The following ZNF804B variants were observed in gnomAD, a reference collection of about 807,000 sequenced individuals.
ZNF804B encodes the protein zinc finger protein 804B.
Under a neutral mutation model 101.4 loss-of-function variants are expected in ZNF804B, and 80 were observed. The ratio of observed to expected loss-of-function variants is 0.79; its 90% CI spans 0.66 to 0.95. ZNF804B has a LOEUF of 0.95. ZNF804B is among the 40% of genes least tolerant of loss of function. ZNF804B has a pLI of 0.00. For missense variants in ZNF804B, 1,673 were observed against 1,561.9 expected (o/e 1.07, Z -1.20); for synonymous variants, 622 against 558.8 (o/e 1.11, Z -1.59).
chr7:89,323,402 C>T (rs915569816), intron 2 of ZNF804B, among the ~76,000 whole-genome samples: 3 of 152,094 alleles, frequency 2.0e-5, no homozygotes, highest in East Asian at 1.9e-4. Context: ...TCAAATTCAT[C>T]AATATTTCAA....
chr7:89,273,471 G>A (rs2115845157), intron 2 of ZNF804B, among the ~76,000 whole-genome samples: 2 of 152,118 alleles, frequency 1.3e-5, no homozygotes. Flanking sequence ...TACTTAAAGT[G>A]GTCAAGTTCT....
intron 1 of ZNF804B, among the ~76,000 whole-genome samples, chr7:89,161,557 A>G (rs1438590009): frequency 6.6e-6 from 1 of 151,868 alleles, no homozygotes; most frequent in Non-Finnish European, 1.5e-5. Context: ...GCTTCATTTT[A>G]TATGTATCTT....
intron 1 of ZNF804B, among the ~76,000 whole-genome samples, chr7:89,001,753 A>C (rs1445803640): frequency 6.6e-6 from 1 of 151,926 alleles, no homozygotes; most frequent in Non-Finnish European, 1.5e-5. Flanking sequence ...CTGTTATGTC[A>C]GATAATCTTA....
chr7:88,779,646 T>G (rs368379801), intron 1 of ZNF804B, among the ~76,000 whole-genome samples: 4 of 152,202 alleles, frequency 2.6e-5, no homozygotes, highest in African/African-American at 7.2e-5. Flanking sequence ...GAACTTTAAC[T>G]TCACATTTTA....
chr7:88,850,260 G>A (rs1426892788), intron 1 of ZNF804B, among the ~76,000 whole-genome samples: 4 of 152,226 alleles, frequency 2.6e-5, no homozygotes, highest in African/African-American at 7.2e-5. Flanking sequence ...ACAACATGGG[G>A]AGAGGGAACC....
chr7:88,766,880 T>C (rs1045824992), intron 1 of ZNF804B, among the ~76,000 whole-genome samples: 4 of 152,078 alleles, frequency 2.6e-5, no homozygotes, highest in African/African-American at 9.7e-5. Context: ...TTCTAGCAAG[T>C]ATAATTAGGA....
At position 89,130,314 on chromosome 7, in the gene ZNF804B, C is replaced by T. The variant is rs1173764447; in HGVS notation, c.109-87841C>T. Among the ~76,000 whole-genome samples, 3 of 151,754 alleles carry T rather than the reference C, an allele frequency of 2.0e-5. No homozygotes were observed. In the East Asian group the frequency reaches 5.8e-4, roughly 29 times the overall value. ...GGAGAATGGCTGAAACAGAAGTTAC[C>T]CAGGAAAGGAGTAGGAAGCCAGCTT... On this transcript the variant is annotated intron_variant, in intron 1 of 3. Transcript: ENST00000333190.
At chr7:89,293,227 T>G (rs1330800518) in intron 2 of ZNF804B, among the ~76,000 whole-genome samples, 1 of 152,098 alleles carries the variant, frequency 6.6e-6, no homozygotes, top group East Asian at 1.9e-4. Context: ...TTAGCTTTTT[T>G]GAAATGTATA....
chr7:88,871,073 G>C (rs182390699), intron 1 of ZNF804B, among the ~76,000 whole-genome samples: 56 of 152,200 alleles, frequency 3.7e-4, no homozygotes, highest in South Asian at 1.5e-3. Context: ...GCAAGGAAGG[G>C]AGAACAACAT....
At chr7:89,037,403 T>C (rs1788943877) in intron 1 of ZNF804B, among the ~76,000 whole-genome samples, 2 of 152,080 alleles carry the variant, frequency 1.3e-5, no homozygotes. Context: ...CAAATCAATT[T>C]AACACATGTA....
intron 1 of ZNF804B, among the ~76,000 whole-genome samples, chr7:89,022,959 TA>T (rs912022761): frequency 3.9e-5 from 6 of 152,236 alleles, no homozygotes; most frequent in East Asian, 1.9e-4. Flanking sequence ...CACATGCACA[TA>T]AAAAAATAAC....
chr7:89,027,858 G>A (rs943042332), intron 1 of ZNF804B, among the ~76,000 whole-genome samples: 1 of 152,292 alleles, frequency 6.6e-6, no homozygotes, highest in Non-Finnish European at 1.5e-5. Context: ...CTTGGTGCAA[G>A]TGCTTATGCC....
At chr7:89,169,337 T>G (rs1474670278) in intron 1 of ZNF804B, among the ~76,000 whole-genome samples, 1 of 152,168 alleles carries the variant, frequency 6.6e-6, no homozygotes, top group African/African-American at 2.4e-5. Flanking sequence ...TGCCTGAGAT[T>G]TATATCCCAA....
intron 1 of ZNF804B, among the ~76,000 whole-genome samples, chr7:88,968,421 C>T (rs1457994559): frequency 1.3e-5 from 2 of 151,542 alleles, no homozygotes; most frequent in Non-Finnish European, 3.0e-5. Context: ...CCTATGAATG[C>T]TTTCCAAATA....
chr7:89,282,847 A>C (rs1248627429), intron 2 of ZNF804B, among the ~76,000 whole-genome samples: 2 of 152,166 alleles, frequency 1.3e-5, no homozygotes, highest in Non-Finnish European at 2.9e-5. Flanking sequence ...CAAGACCCAG[A>C]GTTTCCCCTA....
intron 1 of ZNF804B, among the ~76,000 whole-genome samples, chr7:89,179,582 A>G (rs1471186983): frequency 6.6e-6 from 1 of 152,176 alleles, no homozygotes; most frequent in African/African-American, 2.4e-5. Context: ...TAAAACAGCT[A>G]TTTTAACTTA....
chr7:88,966,194 AC>A (rs1395244252), intron 1 of ZNF804B, among the ~76,000 whole-genome samples: 5 of 151,662 alleles, frequency 3.3e-5, no homozygotes, highest in African/African-American at 1.2e-4. Context: ...ATATGTGTGT[AC>A]AGATATTATA....
chr7:89,238,327 T>C (rs912998078), intron 2 of ZNF804B, among the ~76,000 whole-genome samples: 1 of 152,140 alleles, frequency 6.6e-6, no homozygotes, highest in Non-Finnish European at 1.5e-5. Context: ...CTGATGAACA[T>C]CATCCCTAAA....
chr7:88,856,173 A>G (rs866429859), intron 1 of ZNF804B, among the ~76,000 whole-genome samples: 3 of 152,102 alleles, frequency 2.0e-5, no homozygotes, highest in Non-Finnish European at 2.9e-5. Context: ...GGGGATGGCA[A>G]TGAATCTGTA....
Sources: allele counts gnomAD v4.1 joint callset (sites outside exome capture counted in the v4.1 genomes callset), GRCh38; gene constraint gnomAD v4.1.1; transcripts MANE v1.5; gene names NCBI Gene and HGNC (gene_info 2026-07-23, HGNC 2026-07-21).